Variants in HDAC8 observed in about 807,000 individuals in gnomAD.
The protein encoded by HDAC8 is histone deacetylase-like 1.
HDAC8 carries 1 observed loss-of-function variant against 32.2 expected under a neutral mutation model. The ratio of observed to expected loss-of-function variants is 0.03; its 90% CI spans 0.01 to 0.15. The LOEUF (loss-of-function observed/expected upper bound fraction) is 0.15, where lower values mean the gene tolerates loss of function less well. Ranked by LOEUF, HDAC8 falls within the 10% of genes least tolerant of loss-of-function variation. The pLI, the probability that HDAC8 is intolerant of heterozygous loss-of-function variation, is 1.00. For missense variants in HDAC8, 117 were observed against 300.0 expected (o/e 0.39, Z 4.51); for synonymous variants, 108 against 113.9 (o/e 0.95, Z 0.33).
intron 9 of HDAC8, among the ~76,000 whole-genome samples, chrX:72,354,400 G>A (rs1555949922): frequency 1.8e-5 from 2 of 112,637 alleles, no homozygotes; most frequent in African/African-American, 6.5e-5. Flanking sequence ...AGAAACTTCT[G>A]TCATGTTCTG....
At chrX:72,497,929 A>G (rs2049078399) in intron 4 of HDAC8, among the ~76,000 whole-genome samples, 1 of 111,188 alleles carries the variant, frequency 9.0e-6, no homozygotes, top group Admixed American at 9.6e-5. Context: ...ATGCTGCAGA[A>G]AAGTTATGTA....
chrX:72,378,042 T>A (rs372860320), intron 9 of HDAC8, among the ~76,000 whole-genome samples: 28 of 106,594 alleles, frequency 2.6e-4, no homozygotes, highest in African/African-American at 3.1e-4. Context: ...ATATGTATAT[T>A]TTTTTTTTTA....
At chrX:72,477,046 C>G (rs782260184) in intron 7 of HDAC8, among the ~76,000 whole-genome samples, 1 of 111,975 alleles carries the variant, frequency 8.9e-6, no homozygotes, top group Admixed American at 9.5e-5. Flanking sequence ...AAGTGCCTTT[C>G]TGTTATATAG....
In HDAC8 at chrX:72,329,602, T is replaced by C. The variant is rs782733056; in HGVS notation, c.*452A>G. On this transcript the variant is annotated 3_prime_UTR_variant, in exon 11 of 11. Coordinates refer to ENST00000373573, the MANE Select transcript of HDAC8 (RefSeq NM_018486.3). ...GACTTCTCCCCACCTCCCAGTCTGC[T>C]GATCAGTACCCTCTCTCCCAGGGCT... 6 of 1,102,206 alleles carry C rather than the reference T, an allele frequency of 5.4e-6. No homozygotes were observed. The Admixed American group carries it at 1.7e-4, about 31-fold the overall frequency. 90.8% of individuals were successfully genotyped at this position (1,102,206 alleles called of 1,213,427 possible). A position where few individuals can be genotyped will look rare whatever the true frequency, so the allele number is the denominator to read the frequency against.
chrX:72,443,570 A>C (rs1372564137), intron 9 of HDAC8, among the ~76,000 whole-genome samples: 3 of 111,982 alleles, frequency 2.7e-5, no homozygotes, highest in African/African-American at 9.8e-5. Context: ...CTAAATGCCC[A>C]CAAGAGAAAG....
chrX:72,471,751 C>G (rs782136334), intron 7 of HDAC8, among the ~76,000 whole-genome samples: 98 of 111,944 alleles, frequency 8.8e-4, no homozygotes, highest in Non-Finnish European at 1.7e-3. Context: ...AAATATGTCT[C>G]TTATCAGACA....
intron 9 of HDAC8, among the ~76,000 whole-genome samples, chrX:72,380,707 C>G (rs1321094546): frequency 9.0e-6 from 1 of 110,544 alleles, no homozygotes; most frequent in Non-Finnish European, 1.9e-5. Context: ...CTACTCTAGA[C>G]CAGTGCTGTT....
intron 10 of HDAC8, among the ~76,000 whole-genome samples, chrX:72,349,376 T>C (rs989584277): frequency 8.9e-6 from 1 of 112,496 alleles, no homozygotes; most frequent in Non-Finnish European, 1.9e-5. Flanking sequence ...CACCTTGCCC[T>C]GGTGACTCAT....
intron 9 of HDAC8, among the ~76,000 whole-genome samples, chrX:72,355,588 C>T (rs2044317783): frequency 9.0e-6 from 1 of 111,531 alleles, no homozygotes; most frequent in Non-Finnish European, 1.9e-5. Flanking sequence ...CTTCTCAACC[C>T]TAGAGTCAAT....
chrX:72,456,910 CAAGAA>C (rs781950027), intron 9 of HDAC8, among the ~76,000 whole-genome samples: 6 of 111,125 alleles, frequency 5.4e-5, no homozygotes, highest in Non-Finnish European at 9.4e-5. Flanking sequence ...AAAGACACTA[CAAGAA>C]AAGAAAACAA....
intron 4 of HDAC8, among the ~76,000 whole-genome samples, chrX:72,504,556 C>A (rs782427486): frequency 1.3e-3 from 143 of 110,775 alleles, no homozygotes; most frequent in African/African-American, 3.4e-3. Flanking sequence ...ACACACACAC[C>A]CACACACCCC....
intron 9 of HDAC8, among the ~76,000 whole-genome samples, chrX:72,360,959 CA>C (rs1158198812): frequency 8.9e-6 from 1 of 111,794 alleles, no homozygotes; most frequent in Non-Finnish European, 1.9e-5. Context: ...AGCAGCACAT[CA>C]AAAGCGCTTG....
intron 10 of HDAC8, among the ~76,000 whole-genome samples, chrX:72,347,801 T>G (rs909463718): frequency 6.2e-5 from 7 of 112,097 alleles, no homozygotes; most frequent in Non-Finnish European, 1.3e-4. Flanking sequence ...ACAATAGTAG[T>G]CATGAGCTGG....
At chrX:72,554,516 G>GC (rs1556086530) in intron 4 of HDAC8, among the ~76,000 whole-genome samples, 148 of 100,800 alleles carry the variant, frequency 1.5e-3, no homozygotes, top group Middle Eastern at 5.2e-3. Context: ...AGGGCGGGGA[G>GC]GGCGGGGAGC....
chrX:72,474,191 G>A (rs1891991159), intron 7 of HDAC8: 5 of 751,128 alleles, frequency 6.7e-6, no homozygotes, highest in Non-Finnish European at 6.3e-6. Context: ...TTTTTCTGAA[G>A]TATTTTCTCT....
chrX:72,515,587 T>TGGG (rs61675419), intron 4 of HDAC8, among the ~76,000 whole-genome samples: 27 of 33,725 alleles, frequency 8.0e-4, no homozygotes, highest in East Asian at 1.8e-3. Flanking sequence ...TCAGTGTGTG[T>TGGG]GGGGGGGGGG....
chrX:72,512,923 C>T (rs1407840312), intron 4 of HDAC8, among the ~76,000 whole-genome samples: 3 of 111,555 alleles, frequency 2.7e-5, no homozygotes, highest in African/African-American at 9.8e-5. Context: ...CACTATTGCC[C>T]TCAAGTACTC....
intron 10 of HDAC8, among the ~76,000 whole-genome samples, chrX:72,347,652 C>A (rs2044066036): frequency 8.9e-6 from 1 of 111,917 alleles, no homozygotes; most frequent in South Asian, 3.8e-4. Context: ...GCTTGAGGAG[C>A]TAGCCCTCCC....
intron 7 of HDAC8, chrX:72,473,983 T>G: frequency 1.6e-6 from 1 of 635,284 alleles, no homozygotes; most frequent in Non-Finnish European, 1.9e-6. Flanking sequence ...ACCACTGCTA[T>G]TCTTTGTACA....
Sources: allele counts gnomAD v4.1 joint callset (sites outside exome capture counted in the v4.1 genomes callset), GRCh38; gene constraint gnomAD v4.1.1; transcripts MANE v1.5; gene names NCBI Gene and HGNC (gene_info 2026-07-23, HGNC 2026-07-21).